ROBO1: variants seen among roughly 807,000 people sequenced by gnomAD.
ROBO1 encodes roundabout guidance receptor 1, also known as roundabout homolog 1.
In ROBO1, 149 loss-of-function variants were observed where a neutral mutation model predicts 195.9. The observed-to-expected ratio is 0.76, with a 90% confidence interval of 0.67 to 0.87. The LOEUF is 0.87. Among genes scored for constraint, ROBO1 ranks in the 40% least tolerant of loss-of-function variants. The probability of loss-of-function intolerance (pLI) is 0.00; values close to 1 mark genes in which losing one functional copy is unlikely to be tolerated. For synonymous variants in ROBO1, 816 were observed against 733.2 expected (o/e 1.11, Z -1.82); for missense variants, 1,933 against 2,068.3 (o/e 0.93, Z 1.27).
chr3:78,779,217 C>T (rs1317741829), intron 4 of ROBO1, among the ~76,000 whole-genome samples: 1 of 152,076 alleles, frequency 6.6e-6, no homozygotes, highest in African/African-American at 2.4e-5. Context: ...ATGACTAAAA[C>T]AACAAAAGCA....
At chr3:79,252,930 T>C (rs547088643) in intron 2 of ROBO1, among the ~76,000 whole-genome samples, 1 of 152,278 alleles carries the variant, frequency 6.6e-6, no homozygotes, top group East Asian at 1.9e-4. Context: ...ACTAGTGTTC[T>C]CCTGAACCCA....
At chr3:79,167,285 A>C (rs1421331422) in intron 2 of ROBO1, among the ~76,000 whole-genome samples, 1 of 151,996 alleles carries the variant, frequency 6.6e-6, no homozygotes, top group African/African-American at 2.4e-5. Flanking sequence ...ACTCTTCACT[A>C]TTTTTGTTTG....
intron 2 of ROBO1, among the ~76,000 whole-genome samples, chr3:79,133,477 G>A (rs1178915851): frequency 5.6e-5 from 6 of 107,100 alleles, no homozygotes; most frequent in South Asian, 3.9e-4. Context: ...TGATCGCATC[G>A]GCTCCTGAGG....
chr3:79,320,432 C>T (rs1288582480), intron 2 of ROBO1, among the ~76,000 whole-genome samples: 3 of 152,132 alleles, frequency 2.0e-5, no homozygotes, highest in Non-Finnish European at 4.4e-5. Flanking sequence ...GGGCTCAAGT[C>T]ATCCTCCCAC....
chr3:78,712,603 A>C (rs2081790651), intron 8 of ROBO1, among the ~76,000 whole-genome samples: 1 of 152,202 alleles, frequency 6.6e-6, no homozygotes, highest in Non-Finnish European at 1.5e-5. Flanking sequence ...ATATTGAATA[A>C]TATATCCTCA....
chr3:78,811,218 G>C (rs1013168780), intron 4 of ROBO1, among the ~76,000 whole-genome samples: 3 of 152,146 alleles, frequency 2.0e-5, no homozygotes, highest in African/African-American at 7.2e-5. Context: ...GTGCCAAAAT[G>C]ATTTGGATTT....
intron 3 of ROBO1, among the ~76,000 whole-genome samples, chr3:79,078,044 G>A (rs1241734103): frequency 1.3e-5 from 2 of 151,770 alleles, no homozygotes; most frequent in Non-Finnish European, 2.9e-5. Context: ...TGGACTCAAA[G>A]AAGACTACTT....
Position 78,631,252 on chromosome 3 carries a change from C to A in ROBO1, c.3535G>T (p.Gly1179Cys). Reference protein sequence around the residue: ...ARTPKVPKQGGMNWADLLPPP... With the variant: ...ARTPKVPKQGCMNWADLLPPP... ...GGAAGCAGGTCTGCCCAGTTCATGC[C>A]ACCCTGTTTTGGTACCTTGGGTGTT... is the stretch of plus-strand genomic sequence containing the variant. Residue 1179 changes from glycine (G) to cysteine (C), a missense_variant, in exon 25 of 31, where the codon GGC becomes TGC. Gly to Cys is a radical substitution (Grantham distance 159, BLOSUM62 -3). Transcript: ENST00000464233. The A allele has an allele frequency of 1.2e-6, 2 of 1,613,512 alleles. No homozygotes were observed. Among genetic ancestry groups the A allele is most frequent in the Non-Finnish European group, 1.7e-6 (2 of 1,179,696 alleles).
intron 1 of ROBO1, among the ~76,000 whole-genome samples, chr3:79,685,398 T>G (rs1427053912): frequency 2.6e-5 from 4 of 152,164 alleles, no homozygotes; most frequent in Admixed American, 2.0e-4. Context: ...TGTGGAAGTT[T>G]TTTAAAGGCC....
chr3:78,870,072 T>C (rs1210344162), intron 4 of ROBO1, among the ~76,000 whole-genome samples: 3 of 152,222 alleles, frequency 2.0e-5, no homozygotes, highest in African/African-American at 4.8e-5. Flanking sequence ...CAAAATCTTA[T>C]GGAAAATATA....
intron 1 of ROBO1, among the ~76,000 whole-genome samples, chr3:79,633,753 C>T (rs1380270419): frequency 6.6e-6 from 1 of 151,646 alleles, no homozygotes; most frequent in Non-Finnish European, 1.5e-5. Context: ...AAAAAATAAC[C>T]TTTGATACCC....
intron 5 of ROBO1, among the ~76,000 whole-genome samples, chr3:78,742,578 G>A (rs184084312): frequency 6.6e-6 from 1 of 152,194 alleles, no homozygotes; most frequent in Admixed American, 6.5e-5. Context: ...ATGTATAAAT[G>A]TGCTTTTTAC....
In ROBO1 at chr3:78,948,988, C is replaced by T. The variant is rs1275821585; in HGVS notation, c.173-10061G>A. On this transcript the variant is annotated intron_variant, in intron 3 of 30. Transcript: ENST00000464233. ...GGACCTCTTCAAGGAGAACTACAAA[C>T]CACTGCTCAAGGAAATAAAAGAGGA... Among the ~76,000 whole-genome samples, 31 of 150,210 alleles carry T rather than the reference C, an allele frequency of 2.1e-4. 1 individual carries two copies. Among genetic ancestry groups the T allele is most frequent in the African/African-American group, 7.4e-4 (30 of 40,552 alleles).
In ROBO1 at chr3:79,708,533, C is replaced by G. The variant is rs115068260; in HGVS notation, c.-51+59219G>C. Reference sequence around the variant, plus strand: ...GAATAGCAGTAAAATTTTGCCTCCTCTACATGAAGAAAAGAAAGGACAAGT... The same window carrying G: ...GAATAGCAGTAAAATTTTGCCTCCTGTACATGAAGAAAAGAAAGGACAAGT... On this transcript the variant is annotated intron_variant, in intron 1 of 30. Transcript: ENST00000464233. 4.5e-3 allele frequency among the ~76,000 whole-genome samples: 681 copies of G among 152,196 alleles called. 9 individuals are homozygous for G. Among genetic ancestry groups the G allele is most frequent in the African/African-American group, 0.016 (653 of 41,538 alleles).
At chr3:79,575,139 CAA>C (rs201310323) in intron 2 of ROBO1, among the ~76,000 whole-genome samples, 24,183 of 98,368 alleles carry the variant, frequency 0.25, 2,897 homozygotes, top group African/African-American at 0.38. Flanking sequence ...ATATATATAA[CAA>C]ATATATAAAT....
At chr3:79,724,728 G>A (rs1216401219) in intron 1 of ROBO1, among the ~76,000 whole-genome samples, 1 of 152,188 alleles carries the variant, frequency 6.6e-6, no homozygotes, top group Non-Finnish European at 1.5e-5. Context: ...ACAAGAAACA[G>A]TGTCCCAGCA....
At chr3:79,640,030 A>T (rs1945610555) in intron 1 of ROBO1, among the ~76,000 whole-genome samples, 1 of 152,168 alleles carries the variant, frequency 6.6e-6, no homozygotes, top group South Asian at 2.1e-4. Context: ...GGACAGAAGT[A>T]AGAAGTGTAA....
chr3:79,029,032 G>T (rs2078249703), intron 3 of ROBO1, among the ~76,000 whole-genome samples: 1 of 152,038 alleles, frequency 6.6e-6, no homozygotes, highest in Non-Finnish European at 1.5e-5. Context: ...TCAGCTGGGA[G>T]AGTATAGTGT....
chr3:78,758,787 CCT>C (rs3078102), intron 4 of ROBO1, among the ~76,000 whole-genome samples: 106,623 of 151,586 alleles, frequency 0.7, 37,811 homozygotes, highest in Middle Eastern at 0.79. Context: ...CTCACCTGAA[CCT>C]CTCACTCTCA....
Sources: gnomAD v4.1 joint callset for allele counts (sites outside exome capture counted in the v4.1 genomes callset) on GRCh38, gnomAD v4.1.1 for gene constraint, MANE v1.5 for transcripts, NCBI Gene and HGNC (gene_info 2026-07-23, HGNC 2026-07-21) for gene names.